Variants in WWOX observed in about 807,000 individuals in gnomAD.
The protein encoded by WWOX is WW domain containing oxidoreductase.
WWOX carries 69 observed loss-of-function variants against 46.2 expected under a neutral mutation model. The observed-to-expected ratio is 1.49, with a 90% CI of 1.23 to 1.82. WWOX has a LOEUF of 1.82. Among genes scored for constraint, WWOX ranks in the 40% most tolerant of loss-of-function variants. The pLI is 0.00. For synonymous variants in WWOX, 359 were observed against 202.6 expected (o/e 1.77, Z -6.56); for missense variants, 919 against 542.6 (o/e 1.69, Z -6.89).
intron 8 of WWOX, among the ~76,000 whole-genome samples, chr16:78,913,108 C>T (rs1256412514): frequency 6.6e-6 from 1 of 152,008 alleles, no homozygotes; most frequent in Non-Finnish European, 1.5e-5. Context: ...CATCTGACAT[C>T]CTGCCCTACC....
intron 8 of WWOX, among the ~76,000 whole-genome samples, chr16:78,797,034 C>T (rs2050757326): frequency 2.0e-5 from 3 of 151,972 alleles, no homozygotes; most frequent in Admixed American, 6.6e-5. Context: ...CCATGTTGGC[C>T]AGTCTGGTCT....
At chr16:78,195,799 G>A (rs1441259014) in intron 5 of WWOX, among the ~76,000 whole-genome samples, 2 of 137,636 alleles carry the variant, frequency 1.5e-5, no homozygotes, top group African/African-American at 5.4e-5. Context: ...TCCGGCCTGG[G>A]TGACAGAGCA....
chr16:78,438,473 C>A (rs977177486), intron 8 of WWOX, among the ~76,000 whole-genome samples: 2 of 151,330 alleles, frequency 1.3e-5, no homozygotes, highest in African/African-American at 4.9e-5. Context: ...TTTTTTTCCA[C>A]ATAAGCTTTC....
chr16:78,743,126 G>A (rs1019702938), intron 8 of WWOX, among the ~76,000 whole-genome samples: 2 of 152,068 alleles, frequency 1.3e-5, no homozygotes, highest in African/African-American at 4.8e-5. Flanking sequence ...AGACACTTGA[G>A]TGTCTTTCTC....
At chr16:78,944,760 C>T (rs995636197) in intron 8 of WWOX, among the ~76,000 whole-genome samples, 18 of 152,154 alleles carry the variant, frequency 1.2e-4, no homozygotes, top group African/African-American at 4.3e-4. Flanking sequence ...TGATCCTTAG[C>T]CCATCTAAGT....
intron 8 of WWOX, among the ~76,000 whole-genome samples, chr16:78,970,278 C>G (rs747040388): frequency 6.6e-6 from 1 of 152,206 alleles, no homozygotes; most frequent in Non-Finnish European, 1.5e-5. Flanking sequence ...CTGCCCGAAT[C>G]ATTTTCTTTG....
chr16:79,022,742 C>G (rs888951768), intron 8 of WWOX, among the ~76,000 whole-genome samples: 1 of 152,164 alleles, frequency 6.6e-6, no homozygotes, highest in Non-Finnish European at 1.5e-5. Context: ...GCAGTGGCCC[C>G]CCACCAAGCC....
At chr16:78,739,697 G>A (rs982677642) in intron 8 of WWOX, among the ~76,000 whole-genome samples, 7 of 152,110 alleles carry the variant, frequency 4.6e-5, no homozygotes, top group African/African-American at 7.2e-5. Flanking sequence ...TGTAATCCCA[G>A]CTACTGCAGA....
intron 7 of WWOX, 120 bp downstream of exon 7, chr16:78,425,175 C>A: frequency 7.5e-7 from 1 of 1,332,766 alleles, no homozygotes; most frequent in Non-Finnish European, 1.1e-6. Flanking sequence ...TGGGTGGACT[C>A]AGCTTGGCTC....
intron 8 of WWOX, among the ~76,000 whole-genome samples, chr16:78,633,302 A>G (rs1414778534): frequency 6.6e-6 from 1 of 152,166 alleles, no homozygotes; most frequent in Non-Finnish European, 1.5e-5. Flanking sequence ...TAAGGATTGC[A>G]GAGCATAAGT....
chr16:78,900,130 T>C (rs1324414270), intron 8 of WWOX, among the ~76,000 whole-genome samples: 2 of 151,878 alleles, frequency 1.3e-5, no homozygotes, highest in Non-Finnish European at 2.9e-5. Context: ...TTATTACTGT[T>C]TTTTTAAATG....
chr16:78,943,323 C>T (rs562193846), intron 8 of WWOX, among the ~76,000 whole-genome samples: 6 of 147,096 alleles, frequency 4.1e-5, no homozygotes, highest in South Asian at 2.1e-4. Flanking sequence ...AAAAGCAACC[C>T]GAGATCCAAA....
chr16:78,217,606 A>G (rs1209292788), intron 5 of WWOX, among the ~76,000 whole-genome samples: 2 of 152,146 alleles, frequency 1.3e-5, no homozygotes, highest in African/African-American at 4.8e-5. Flanking sequence ...AGACCGAGAA[A>G]CTTAACAGAG....
chr16:78,716,918 C>G (rs1209702555), intron 8 of WWOX, among the ~76,000 whole-genome samples: 1 of 152,122 alleles, frequency 6.6e-6, no homozygotes, highest in African/African-American at 2.4e-5. Flanking sequence ...TTTTCAGTTT[C>G]AAAAGGGCAT....
chr16:78,842,707 T>TA (rs1257413925), intron 8 of WWOX, among the ~76,000 whole-genome samples: 16 of 151,570 alleles, frequency 1.1e-4, no homozygotes, highest in South Asian at 2.1e-4. Flanking sequence ...CTACAAGAAG[T>TA]AAAAAAAATC....
chr16:78,597,537 C>T (rs1352044420), intron 8 of WWOX, among the ~76,000 whole-genome samples: 2 of 152,170 alleles, frequency 1.3e-5, no homozygotes, highest in African/African-American at 2.4e-5. Context: ...AGAAACAATA[C>T]TGGTGACCTG....
At chr16:78,967,899 G>T (rs1207544578) in intron 8 of WWOX, among the ~76,000 whole-genome samples, 1 of 152,190 alleles carries the variant, frequency 6.6e-6, no homozygotes, top group Non-Finnish European at 1.5e-5. Context: ...GCAGGAGGAG[G>T]AGGGAACAGG....
chr16:78,242,964 C>T (rs1356263156), intron 5 of WWOX, among the ~76,000 whole-genome samples: 4 of 151,988 alleles, frequency 2.6e-5, no homozygotes, highest in African/African-American at 9.7e-5. Context: ...ACTGAGATCG[C>T]ACCACTGCAC....
At chr16:78,798,247 T>C (rs1304055534) in intron 8 of WWOX, among the ~76,000 whole-genome samples, 1 of 152,088 alleles carries the variant, frequency 6.6e-6, no homozygotes, top group Non-Finnish European at 1.5e-5. Flanking sequence ...AGTTATGCTT[T>C]GGGCTTCCAG....
Sources: allele counts gnomAD v4.1 joint callset (sites outside exome capture counted in the v4.1 genomes callset), GRCh38; gene constraint gnomAD v4.1.1; transcripts MANE v1.5; gene names NCBI Gene and HGNC (gene_info 2026-07-23, HGNC 2026-07-21).